AP2B1: variants seen among roughly 807,000 people sequenced by gnomAD.
AP2B1 encodes AP-2 complex subunit beta.
Under a neutral mutation model 102.0 loss-of-function variants are expected in AP2B1, and 23 were observed. The observed-to-expected ratio is 0.23, with a 90% CI of 0.16 to 0.32. The LOEUF (loss-of-function observed/expected upper bound fraction) is 0.32, where lower values mean the gene tolerates loss of function less well. AP2B1 is among the 10% of genes least tolerant of loss of function. The pLI, the probability that AP2B1 is intolerant of heterozygous loss-of-function variation, is 1.00. For synonymous variants in AP2B1, 381 were observed against 421.2 expected (o/e 0.90, Z 1.17); for missense variants, 541 against 1,157.4 (o/e 0.47, Z 7.73).
At chr17:35,673,066 G>T (rs1195287612) in intron 16 of AP2B1, among the ~76,000 whole-genome samples, 1 of 152,024 alleles carries the variant, frequency 6.6e-6, no homozygotes, top group Non-Finnish European at 1.5e-5. Flanking sequence ...CTCCTCTGTT[G>T]ATGAACATTT....
At chr17:35,680,594 C>A (rs1171643437) in intron 17 of AP2B1, among the ~76,000 whole-genome samples, 1 of 151,748 alleles carries the variant, frequency 6.6e-6, no homozygotes, top group Non-Finnish European at 1.5e-5. Flanking sequence ...TGGTCTTGAA[C>A]TGCTGGGCTC....
chr17:35,617,813 G>C (rs181503561), intron 5 of AP2B1, among the ~76,000 whole-genome samples: 2 of 152,252 alleles, frequency 1.3e-5, no homozygotes, highest in East Asian at 3.9e-4. Flanking sequence ...TCAAGTTGCA[G>C]CTTGCTTTAA....
At chr17:35,646,421 CTT>C (rs2074935225) in intron 12 of AP2B1, among the ~76,000 whole-genome samples, 2 of 152,098 alleles carry the variant, frequency 1.3e-5, no homozygotes, top group East Asian at 3.9e-4. Flanking sequence ...CTACTCCTGA[CTT>C]TTCAGCCTTG....
chr17:35,724,711 C>T lies in AP2B1; in HGVS notation c.*1012C>T, dbSNP rs1555594601. The stretch of plus-strand genomic sequence containing the variant: ...CCAAGGCCCGTCAGCTGTGTAGTGG[C>T]AAAGCCGAGACCGAGTCTCCTAAGT... On this transcript the variant is annotated 3_prime_UTR_variant, in exon 22 of 22. Transcript: ENST00000610402. The T allele has an allele frequency of 6.6e-6, 1 of 152,232 alleles. No individual in the cohort carries two copies. Among genetic ancestry groups the T allele is most frequent in the Non-Finnish European group, 1.5e-5 (1 of 68,050 alleles). The allele number at this position is 152,232 out of a possible 1,614,324, so 9.4% of individuals were successfully genotyped here.
At chr17:35,645,163 G>C (rs1598157123) in intron 12 of AP2B1, among the ~76,000 whole-genome samples, 1 of 152,268 alleles carries the variant, frequency 6.6e-6, no homozygotes, top group East Asian at 1.9e-4. Context: ...ACCAATTTAA[G>C]TTTAGGATGC....
Position 35,626,490 on chromosome 17 carries a change from A to C in AP2B1, c.717-131A>C, listed in dbSNP as rs1598089767. On this transcript the variant is annotated intron_variant, in intron 6 of 21. Transcript: ENST00000610402. ...GGATCCCAATTTTACCTAAGCATGG[A>C]GCTTTGACTTTTCTAACTAATTCTT... The C allele has an allele frequency of 7.9e-6, 6 of 758,468 alleles. No homozygotes were observed. The East Asian group carries it at 1.6e-4, about 21-fold the overall frequency. 47.0% of individuals were successfully genotyped at this position (758,468 alleles called of 1,614,324 possible).
intron 15 of AP2B1, among the ~76,000 whole-genome samples, 154 bp from the exon 16 acceptor site, chr17:35,671,600 A>G (rs2075588105): frequency 6.6e-6 from 1 of 152,256 alleles, no homozygotes; most frequent in South Asian, 2.1e-4. Context: ...ATGATTAAAA[A>G]GATGAAGAAT....
intron 5 of AP2B1, among the ~76,000 whole-genome samples, chr17:35,619,062 T>C (rs2074100680): frequency 6.6e-6 from 1 of 152,206 alleles, no homozygotes; most frequent in Non-Finnish European, 1.5e-5. Flanking sequence ...CTATAAATGC[T>C]GGAGACCAAG....
intron 5 of AP2B1, among the ~76,000 whole-genome samples, chr17:35,619,152 C>A (rs1216219127): frequency 6.6e-6 from 1 of 152,124 alleles, no homozygotes; most frequent in Non-Finnish European, 1.5e-5. Flanking sequence ...CTGTGTTGAC[C>A]CTAAGCAAGT....
In AP2B1 at chr17:35,627,743, A is replaced by G; in HGVS notation, c.1155+17A>G. 1.2e-6 allele frequency: 2 copies of G among 1,604,890 alleles called. No individual in the cohort carries two copies. Among genetic ancestry groups the G allele is most frequent in the Non-Finnish European group, 1.7e-6 (2 of 1,173,084 alleles). ...AAGGTGGAGGCAAGTGTCTGATGGT[A>G]GTTAGGATCATGTATTGGGGATTCT... is the stretch of plus-strand genomic sequence containing the variant. On this transcript the variant is annotated intron_variant, in intron 9 of 21. Transcript: ENST00000610402.
At chr17:35,697,398 A>G (rs1315259748) in intron 18 of AP2B1, among the ~76,000 whole-genome samples, 1 of 152,246 alleles carries the variant, frequency 6.6e-6, no homozygotes, top group African/African-American at 2.4e-5. Flanking sequence ...CCAAATTGCC[A>G]CCATGAGACT....
chr17:35,635,107 A>G (rs1315205874), intron 9 of AP2B1, among the ~76,000 whole-genome samples: 5 of 152,202 alleles, frequency 3.3e-5, no homozygotes, highest in African/African-American at 4.8e-5. Context: ...GCTGTAGTGC[A>G]GTGGCACGAT....
chr17:35,669,369 C>T (rs1170544714), intron 14 of AP2B1, among the ~76,000 whole-genome samples: 1 of 152,106 alleles, frequency 6.6e-6, no homozygotes, highest in Non-Finnish European at 1.5e-5. Flanking sequence ...GTCTCAAACT[C>T]CTGACCTCAT....
At chr17:35,669,352 C>G (rs1052154001) in intron 14 of AP2B1, among the ~76,000 whole-genome samples, 2 of 152,132 alleles carry the variant, frequency 1.3e-5, no homozygotes, top group African/African-American at 2.4e-5. Flanking sequence ...CCATGTTGGC[C>G]AGGGTGGTCT....
chr17:35,725,004 G>A lies in AP2B1; in HGVS notation c.*1305G>A, dbSNP rs782600705. 15 of 152,178 alleles carry A rather than the reference G, an allele frequency of 9.9e-5. No individual in the cohort carries two copies. Among genetic ancestry groups the A allele is most frequent in the Non-Finnish European group, 1.9e-4 (13 of 68,042 alleles). 9.4% of individuals were successfully genotyped at this position (152,178 alleles called of 1,614,324 possible). On this transcript the variant is annotated 3_prime_UTR_variant, in exon 22 of 22. Coordinates refer to ENST00000610402, the MANE Select transcript of AP2B1 (RefSeq NM_001030006.2). ...AGCAGAATAGGTGCAGAGATGAAGT[G>A]AGCTTAGAGATGTTGCAAATGCTCT...
At chr17:35,707,636 A>G (rs1166890740) in intron 18 of AP2B1, among the ~76,000 whole-genome samples, 11 of 151,582 alleles carry the variant, frequency 7.3e-5, no homozygotes, top group Admixed American at 5.9e-4. Flanking sequence ...TATTTTTGGT[A>G]GAGACGGGGT....
At chr17:35,624,782 A>G (rs994595083) in intron 6 of AP2B1, among the ~76,000 whole-genome samples, 195 bp downstream of exon 6, 1 of 152,162 alleles carries the variant, frequency 6.6e-6, no homozygotes, top group African/African-American at 2.4e-5. Context: ...TTTCTAAGAA[A>G]TGTATGTTTT....
rs2072924703 is a variant in AP2B1, at chr17:35,587,334, G to A, written c.-118G>A. On this transcript the variant is annotated 5_prime_UTR_variant, in exon 1 of 22. Coordinates refer to ENST00000610402, the MANE Select transcript of AP2B1 (RefSeq NM_001030006.2). ...TGCGCAGTGGCTTAGACCTAGAAAA[G>A]AATCGTGACGGGCAGGAAACCATTA... 1 of 152,286 alleles carries A rather than the reference G, an allele frequency of 6.6e-6. No individual in the cohort carries two copies. Among genetic ancestry groups the A allele is most frequent in the African/African-American group, 2.4e-5 (1 of 41,456 alleles). The allele number at this position is 152,286 out of a possible 1,614,324, so 9.4% of individuals were successfully genotyped here.
At chr17:35,652,724 A>G (rs1277476608) in intron 13 of AP2B1, among the ~76,000 whole-genome samples, 1 of 152,124 alleles carries the variant, frequency 6.6e-6, no homozygotes, top group Admixed American at 6.5e-5. Flanking sequence ...ATATCTTTTC[A>G]TTGAACTCAC....
Sources: allele counts gnomAD v4.1 joint callset (sites outside exome capture counted in the v4.1 genomes callset), GRCh38; gene constraint gnomAD v4.1.1; transcripts MANE v1.5; gene names NCBI Gene and HGNC (gene_info 2026-07-23, HGNC 2026-07-21).